The following CEP135 variants were observed in gnomAD, a reference collection of about 807,000 sequenced individuals.
CEP135 encodes the protein centrosomal protein 135.
CEP135 carries 142 observed loss-of-function variants against 157.3 expected under a neutral mutation model. The observed-to-expected ratio is 0.90, with a 90% CI of 0.79 to 1.04. The LOEUF (loss-of-function observed/expected upper bound fraction) is 1.04. Ranked by LOEUF, CEP135 falls within the 50% of genes least tolerant of loss-of-function variation. The pLI is 0.00. For missense variants in CEP135, 1,317 were observed against 1,309.2 expected, an observed-to-expected ratio of 1.01 and a Z score of -0.09; for synonymous variants, 396 against 439.8, an observed-to-expected ratio of 0.90 and a Z score of 1.25.
intron 14 of CEP135, among the ~76,000 whole-genome samples, chr4:55,987,332 T>TA (rs1165583631): frequency 6.6e-6 from 1 of 152,174 alleles, no homozygotes; most frequent in Non-Finnish European, 1.5e-5. Flanking sequence ...GCCGAAAACT[T>TA]AAAGGGTACC....
chr4:56,016,486 T>G (rs974903013), intron 21 of CEP135, among the ~76,000 whole-genome samples: 4 of 152,182 alleles, frequency 2.6e-5, no homozygotes, highest in African/African-American at 9.7e-5. Context: ...TTTATTATTG[T>G]TCATGTTCGT....
chr4:56,008,334 C>A lies in CEP135; in HGVS notation c.2288C>A (p.Ala763Asp). ...TTTTTGTAATTTCTATAGGAAAAAGCTGTTGCTCAAATGAAGATAATGATC... is the reference window on the plus strand; with the variant it reads ...TTTTTGTAATTTCTATAGGAAAAAGATGTTGCTCAAATGAAGATAATGATC... ...LQENLANKEK[A>D]VAQMKIMISE... The change falls in exon 18 of 26, where the codon GCT (alanine) becomes GAT (aspartate). Residue 763 changes from alanine to aspartate, a missense_variant. Physicochemically the swap from Ala to Asp is moderately radical, Grantham distance 126 (BLOSUM62 -2). Transcript: ENST00000257287. 1 of 1,607,830 alleles carries A rather than the reference C, an allele frequency of 6.2e-7. No homozygotes were observed. The highest frequency in any genetic ancestry group is 8.5e-7 in the Non-Finnish European group (1 of 1,177,074).
intron 17 of CEP135, among the ~76,000 whole-genome samples, chr4:56,003,454 C>T (rs1022438018): frequency 4.6e-5 from 7 of 152,164 alleles, no homozygotes; most frequent in South Asian, 2.1e-4. Context: ...CTGATCCGCC[C>T]GCCTCGGCCT....
intron 1 of CEP135, among the ~76,000 whole-genome samples, chr4:55,950,098 G>A (rs967768643): frequency 6.6e-6 from 1 of 151,772 alleles, no homozygotes; most frequent in African/African-American, 2.4e-5. Flanking sequence ...GGTGTCTCTT[G>A]TGGAAAGAAC....
chr4:55,969,628 G>GA (rs1432393161), intron 9 of CEP135, among the ~76,000 whole-genome samples: 2 of 152,000 alleles, frequency 1.3e-5, no homozygotes, highest in African/African-American at 4.8e-5. Context: ...TAGCATTTAT[G>GA]AGTACTTCAT....
chr4:56,008,824 C>T (rs1024345112), intron 18 of CEP135, among the ~76,000 whole-genome samples: 1 of 152,156 alleles, frequency 6.6e-6, no homozygotes, highest in Non-Finnish European at 1.5e-5. Context: ...ATTTTACATA[C>T]CCTTAACATT....
intron 11 of CEP135, among the ~76,000 whole-genome samples, chr4:55,977,117 C>T (rs1167298582): frequency 1.3e-5 from 2 of 151,962 alleles, no homozygotes; most frequent in Admixed American, 6.6e-5. Context: ...CCATGGTGGC[C>T]GCCCTAGAAT....
chr4:55,980,222 A>G lies in CEP135; in HGVS notation c.1553A>G (p.Tyr518Cys). Residue 518 changes from tyrosine to cysteine, a missense_variant, in exon 12 of 26, where the codon TAT (tyrosine) becomes TGT (cysteine). By Grantham distance (194) the Tyr-to-Cys change is radical. Coordinates refer to ENST00000257287, the MANE Select transcript of CEP135 (RefSeq NM_025009.5). ...LQRMLERFEK[Y>C]MEDIQSNVKL... ...CGTATGCTAGAAAGATTTGAAAAAT[A>G]TATGGAAGATATACAGTCCAATGTT... 11 of 1,588,966 alleles carry G rather than the reference A, an allele frequency of 6.9e-6. No individual in the cohort carries two copies. The highest frequency in any genetic ancestry group is 8.6e-6 in the Non-Finnish European group (10 of 1,157,626).
chr4:55,982,847 C>A (rs113876201), intron 13 of CEP135, among the ~76,000 whole-genome samples: 45 of 151,924 alleles, frequency 3.0e-4, no homozygotes, highest in African/African-American at 1.1e-3. Flanking sequence ...TTTATAATTT[C>A]TTTTATAATC....
At chr4:56,018,428 A>G (rs1204499218) in intron 22 of CEP135, among the ~76,000 whole-genome samples, 1 of 152,168 alleles carries the variant, frequency 6.6e-6, no homozygotes, top group African/African-American at 2.4e-5. Flanking sequence ...CTGATTATAA[A>G]TCAGCATATC....
Position 56,024,630 on chromosome 4 carries a change from C to A in CEP135, c.*11+16C>A. On this transcript the variant is annotated intron_variant, in intron 25 of 25. Coordinates refer to ENST00000257287, the MANE Select transcript of CEP135 (RefSeq NM_025009.5). ...TATCAGAAAGGTATGTATGTAACAC[C>A]AAGGACAGGCAAAACTAATCTGTGG... The A allele has an allele frequency of 6.8e-7, 1 of 1,481,030 alleles. No homozygotes were observed. The highest frequency in any genetic ancestry group is 9.4e-7 in the Non-Finnish European group (1 of 1,061,510). The allele number at this position is 1,481,030 out of a possible 1,614,324, so 91.7% of individuals were successfully genotyped here. A position where few individuals can be genotyped will look rare whatever the true frequency, so the allele number is the denominator to read the frequency against.
Position 55,971,299 on chromosome 4 carries a change from G to T in CEP135, c.1140G>T (p.Glu380Asp). The change falls in exon 10 of 26, where the codon GAG becomes GAT. Residue 380 changes from glutamate to aspartate, a missense_variant. Physicochemically the swap from Glu to Asp is conservative, Grantham distance 45. Coordinates refer to ENST00000257287, the MANE Select transcript of CEP135 (RefSeq NM_025009.5). ...LELNLCQKEK[E>D]RLSDELLVKS... Reference sequence around the variant, plus strand: ...TGAACTTATGCCAGAAAGAAAAGGAGAGACTGAGTGATGAACTCCTTGTAA... The same window carrying T: ...TGAACTTATGCCAGAAAGAAAAGGATAGACTGAGTGATGAACTCCTTGTAA... The T allele has an allele frequency of 6.3e-7, 1 of 1,599,802 alleles. No individual in the cohort carries two copies.
At chr4:55,963,788 T>C (rs4864566) in intron 6 of CEP135, among the ~76,000 whole-genome samples, 15,394 of 152,238 alleles carry the variant, frequency 0.1, 1,140 homozygotes, top group East Asian at 0.26. Context: ...TGTGAGCCTT[T>C]CCAAATTCTT....
intron 14 of CEP135, among the ~76,000 whole-genome samples, chr4:55,987,440 T>A (rs1397817099): frequency 6.6e-6 from 1 of 152,192 alleles, no homozygotes; most frequent in African/African-American, 2.4e-5. Flanking sequence ...GTCATGCCTG[T>A]CTTCTGAACT....
intron 1 of CEP135, among the ~76,000 whole-genome samples, chr4:55,950,917 C>G (rs1728343856): frequency 6.6e-6 from 1 of 152,178 alleles, no homozygotes; most frequent in African/African-American, 2.4e-5. Context: ...TAACTCTTAA[C>G]GGGCAATCTG....
At chr4:55,949,663 C>T (rs893602921) in intron 1 of CEP135, among the ~76,000 whole-genome samples, 1 of 152,184 alleles carries the variant, frequency 6.6e-6, no homozygotes, top group Non-Finnish European at 1.5e-5. Context: ...GACGCCAACC[C>T]CCAGAGTTAA....
chr4:55,999,759 C>A, intron 17 of CEP135, 114 bp downstream of exon 17: 1 of 1,028,298 alleles, frequency 9.7e-7, no homozygotes, highest in Non-Finnish European at 1.4e-6. Context: ...GTGGCATGAT[C>A]ACAGCTCACT....
chr4:55,998,067 A>T (rs1730036817), intron 15 of CEP135, among the ~76,000 whole-genome samples: 1 of 152,138 alleles, frequency 6.6e-6, no homozygotes, highest in Non-Finnish European at 1.5e-5. Context: ...ATACCTCAAT[A>T]CTGCCAGTAA....
At chr4:55,978,993 C>CCT (rs1729312998) in intron 11 of CEP135, among the ~76,000 whole-genome samples, 1 of 152,180 alleles carries the variant, frequency 6.6e-6, no homozygotes, top group Non-Finnish European at 1.5e-5. Flanking sequence ...ATCCATCATG[C>CCT]CTCGGTTTTG....
Sources: allele counts gnomAD v4.1 joint callset (sites outside exome capture counted in the v4.1 genomes callset), GRCh38; gene constraint gnomAD v4.1.1; transcripts MANE v1.5; gene names NCBI Gene and HGNC (gene_info 2026-07-23, HGNC 2026-07-21).